TRIOBP: variants seen among roughly 807,000 people sequenced by gnomAD.
TRIOBP encodes TRIO and F-actin-binding protein.
TRIOBP carries 169 observed loss-of-function variants against 238.8 expected under a neutral mutation model. The observed-to-expected ratio is 0.71, with a 90% CI of 0.62 to 0.80. The LOEUF is 0.80. Ranked by LOEUF, TRIOBP falls within the 30% of genes least tolerant of loss-of-function variation. The pLI is 0.00. For missense variants in TRIOBP, 2,838 were observed against 3,122.6 expected, an observed-to-expected ratio of 0.91 and a Z score of 2.17; for synonymous variants, 1,150 against 1,274.4, an observed-to-expected ratio of 0.90 and a Z score of 2.08.
Position 37,726,328 on chromosome 22 carries a change from C to A in TRIOBP, c.3772C>A (p.Pro1258Thr), listed in dbSNP as rs374553299. 206 of 1,612,002 alleles carry A rather than the reference C, an allele frequency of 1.3e-4. No homozygotes were observed. The highest frequency in any genetic ancestry group is 1.6e-4 in the Non-Finnish European group (188 of 1,179,630). ...TGGGGGCTCCCGGGGCTCAGCGCCT[C>A]CCGGGGAGACCAGGCACAACTTGGA... ...SSGGSRGSAP[P>T]GETRHNLERE... Residue 1258 changes from proline (P) to threonine (T), a missense_variant, in exon 7 of 24, where the codon CCC (proline) becomes ACC (threonine). Transcript: ENST00000644935.
rs774492188 is a variant in TRIOBP at position 37,765,830 on chromosome 22, G to C, written c.6472+13G>C. 12 of 1,587,014 alleles carry C rather than the reference G, an allele frequency of 7.6e-6. No individual in the cohort carries two copies. Among genetic ancestry groups the C allele is most frequent in the Admixed American group, 6.9e-5 (4 of 57,786 alleles). ...GCCACGGCCTCAGGTATGGACCCTG[G>C]GGGGGGCACAGTGGGCTGGGCTCTG... On this transcript the variant is annotated intron_variant, in intron 18 of 23. Transcript: ENST00000644935.
chr22:37,731,119 G>T (rs5756799), intron 7 of TRIOBP, among the ~76,000 whole-genome samples: 54,414 of 151,708 alleles, frequency 0.36, 10,821 homozygotes, highest in East Asian at 0.59. Flanking sequence ...CAAAAGACAT[G>T]AAACAACAAA....
rs1244114741 is a variant in TRIOBP, at chr22:37,724,837, A to C, written c.2281A>C (p.Arg761=). The C allele has an allele frequency of 6.8e-6, 11 of 1,613,886 alleles. No individual in the cohort carries two copies. Among genetic ancestry groups the C allele is most frequent in the African/African-American group, 2.7e-5 (2 of 74,948 alleles). ...CAATCCCAGAGCCTCCTCTCCTAACAGAACCATCCAACAAGAGAACCTCAG... is the reference window on the plus strand; with the variant it reads ...CAATCCCAGAGCCTCCTCTCCTAACCGAACCATCCAACAAGAGAACCTCAG... ...RDNPRASSPN[R]TIQQENLRTS... is the part of the protein sequence containing the mutation. Residue 761 remains arginine (R), a synonymous_variant, in exon 7 of 24, where the codon AGA becomes CGA. Transcript: ENST00000644935.
At chr22:37,732,310 C>T (rs748872783) in intron 7 of TRIOBP, among the ~76,000 whole-genome samples, 6 of 152,094 alleles carry the variant, frequency 3.9e-5, no homozygotes, top group Non-Finnish European at 5.9e-5. Flanking sequence ...TGATCTTCAT[C>T]GGATGCGTCA....
rs548833711 is a variant in TRIOBP, at chr22:37,725,878, C to T, written c.3322C>T (p.Leu1108Phe). ...GTCCCCCCAACACGAGCCCCTTCAG[C>T]TCCCTGCACCTGTGTGTATTGGGTA... ...CQSPQHEPLQ[L>F]PAPVCIGYRD... Residue 1108 changes from leucine to phenylalanine, a missense_variant, in exon 7 of 24, where the codon CTC becomes TTC. Leu to Phe is a conservative substitution (Grantham distance 22). Coordinates refer to ENST00000644935, the MANE Select transcript of TRIOBP (RefSeq NM_001039141.3). 3.1e-6 allele frequency: 5 copies of T among 1,612,960 alleles called. No individual in the cohort carries two copies. The South Asian group carries it at 3.3e-5, about 11-fold the overall frequency.
intron 2 of TRIOBP, among the ~76,000 whole-genome samples, chr22:37,700,055 T>G (rs1922565231): frequency 6.6e-6 from 1 of 151,172 alleles, no homozygotes. Context: ...ATTTTTGTAT[T>G]TAGTAGAGGC....
At chr22:37,729,215 G>A (rs1924313889) in intron 7 of TRIOBP, among the ~76,000 whole-genome samples, 1 of 150,898 alleles carries the variant, frequency 6.6e-6, no homozygotes, top group Admixed American at 6.6e-5. Context: ...ACCGTGCCTG[G>A]TCTGACCTTT....
At chr22:37,740,827 G>A (rs1420296211) in intron 10 of TRIOBP, 68 bp from the exon 11 acceptor site, 1 of 1,549,368 alleles carries the variant, frequency 6.5e-7, no homozygotes, top group Non-Finnish European at 8.7e-7. Flanking sequence ...GGGCAGGGGA[G>A]GCTGTAGCCA....
Position 37,733,302 on chromosome 22 carries a change from T to C in TRIOBP, c.3952T>C (p.Ser1318Pro). The change falls in exon 8 of 24, where the codon TCC becomes CCC. Residue 1318 changes from serine to proline, a missense_variant. By Grantham distance (74) the Ser-to-Pro change is moderately conservative. Around this residue, in one of 5 missense-constraint regions of TRIOBP, gnomAD observed 2,096 missense variants for 2,137.4 expected, o/e 0.98. Coordinates refer to ENST00000644935, the MANE Select transcript of TRIOBP (RefSeq NM_001039141.3). ...AGTGGCTGCATTTGCTCATAGGAAGTCCGAGGCAGCGGGGGCCTTCCAGGC... is the reference window on the plus strand; with the variant it reads ...AGTGGCTGCATTTGCTCATAGGAAGCCCGAGGCAGCGGGGGCCTTCCAGGC... Reference protein sequence around the residue: ...ERLFGQERRKSEAAGAFQAQD... With the variant: ...ERLFGQERRKPEAAGAFQAQD... 6.5e-7 allele frequency: 1 copy of C among 1,550,374 alleles called. No individual in the cohort carries two copies. The highest frequency in any genetic ancestry group is 1.7e-4 in the Middle Eastern group (1 of 5,992).
intron 7 of TRIOBP, among the ~76,000 whole-genome samples, chr22:37,732,107 C>G (rs540302826): frequency 6.6e-6 from 1 of 152,258 alleles, no homozygotes; most frequent in East Asian, 1.9e-4. Flanking sequence ...GAGACCCAAC[C>G]AAAATAAACA....
At chr22:37,751,886 G>A in intron 12 of TRIOBP, 58 bp downstream of exon 12, 1 of 1,594,788 alleles carries the variant, frequency 6.3e-7, no homozygotes, top group Non-Finnish European at 8.6e-7. Context: ...TGGGCCCCTG[G>A]GCAGCCCAGG....
In TRIOBP at chr22:37,726,416, C is replaced by T. The variant is rs1924163664; in HGVS notation, c.3860C>T (p.Pro1287Leu). 5 of 1,586,510 alleles carry T rather than the reference C, an allele frequency of 3.2e-6. No individual in the cohort carries two copies. Among genetic ancestry groups the T allele is most frequent in the Non-Finnish European group, 4.3e-6 (5 of 1,167,158 alleles). ...CCCAGGAGGCTGGCCCAGAGACAGC[C>T]AGGGCCCCAGGCGCAGTGCAGCAGC... ...PPPRRLAQRQ[P>L]GPQAQCSSGG... The change falls in exon 7 of 24, where the codon CCA becomes CTA. Residue 1287 changes from proline (P) to leucine (L), a missense_variant. Around this residue, in one of 5 missense-constraint regions of TRIOBP, gnomAD observed 2,096 missense variants for 2,137.4 expected, o/e 0.98. Coordinates refer to ENST00000644935, the MANE Select transcript of TRIOBP (RefSeq NM_001039141.3).
intron 11 of TRIOBP, among the ~76,000 whole-genome samples, chr22:37,747,810 C>A (rs1925362964): frequency 6.6e-6 from 1 of 152,236 alleles, no homozygotes; most frequent in East Asian, 1.9e-4. Flanking sequence ...GTGTCATGCC[C>A]CAGGTAACTC....
intron 7 of TRIOBP, among the ~76,000 whole-genome samples, chr22:37,727,404 C>A (rs1202878874): frequency 6.6e-6 from 1 of 151,942 alleles, no homozygotes; most frequent in Non-Finnish European, 1.5e-5. Flanking sequence ...CACGGTGGCT[C>A]ATGCCTGTAA....
intron 11 of TRIOBP, chr22:37,746,449 C>G (rs1352832373): frequency 7.0e-7 from 1 of 1,422,868 alleles, no homozygotes; most frequent in South Asian, 1.3e-5. Flanking sequence ...CGCCCGCGCC[C>G]GAGGCCGGGA....
chr22:37,723,192 C>T lies in TRIOBP; in HGVS notation c.636C>T (p.Gly212=), dbSNP rs369377486. Residue 212 remains glycine, a synonymous_variant, in exon 7 of 24, where the codon GGC becomes GGT. Coordinates refer to ENST00000644935, the MANE Select transcript of TRIOBP (RefSeq NM_001039141.3). ...CCTCTCTTCTCTCTCCAGACACCGG[C>T]GGTGGGGGCCGGAGCGCAGGACAGC... ...DAAGQKKEDT[G]GGGRSAGQHW... 1.3e-4 allele frequency: 205 copies of T among 1,613,646 alleles called. No individual in the cohort carries two copies. Among genetic ancestry groups the T allele is most frequent in the Middle Eastern group, 1.6e-4 (1 of 6,082 alleles).
rs185233767 is a variant in TRIOBP at position 37,747,660 on chromosome 22, G to A, written c.5323-4112G>A. ...GAGCTGAGTCAGTGTCCTGGGGCCAGGAGGAGAGAAGTTGCCTTGCCCACC... is the reference window on the plus strand; with the variant it reads ...GAGCTGAGTCAGTGTCCTGGGGCCAAGAGGAGAGAAGTTGCCTTGCCCACC... On this transcript the variant is annotated intron_variant, in intron 11 of 23. Transcript: ENST00000644935. 1.8e-4 allele frequency among the ~76,000 whole-genome samples: 28 copies of A among 152,378 alleles called. No individual in the cohort carries two copies. In the East Asian group the frequency reaches 5.2e-3, roughly 28 times the overall value.
chr22:37,764,016 T>A (rs1237983947), intron 17 of TRIOBP, among the ~76,000 whole-genome samples: 2 of 152,236 alleles, frequency 1.3e-5, no homozygotes, highest in African/African-American at 2.4e-5. Context: ...GCCACGTCAC[T>A]CTGACCATCC....
rs367660058 is a variant in TRIOBP at position 37,701,304 on chromosome 22, A to C, written c.-60-2A>C. ...TCTTTGCCTCCCCCTCATTTTTGCCAGGCCTCACATAGACGGTCAGCCATT... is the reference window on the plus strand; with the variant it reads ...TCTTTGCCTCCCCCTCATTTTTGCCCGGCCTCACATAGACGGTCAGCCATT... On this transcript the variant is annotated splice_acceptor_variant, in intron 2 of 23. Coordinates refer to ENST00000644935, the MANE Select transcript of TRIOBP (RefSeq NM_001039141.3). LOFTEE classifies it low-confidence loss of function (5UTR_SPLICE). 1.1e-4 allele frequency: 147 copies of C among 1,369,224 alleles called. No individual in the cohort carries two copies. In the East Asian group the frequency reaches 2.0e-3, roughly 19 times the overall value. 84.8% of individuals were successfully genotyped at this position (1,369,224 alleles called of 1,614,324 possible).
Sources: gnomAD v4.1 joint callset for allele counts (sites outside exome capture counted in the v4.1 genomes callset) on GRCh38, gnomAD v4.1.1 for gene constraint, gnomAD v4.1.1 regional missense constraint, MANE v1.5 for transcripts, NCBI Gene and HGNC (gene_info 2026-07-23, HGNC 2026-07-21) for gene names.